WWTR1: variants seen among roughly 807,000 people sequenced by gnomAD.
WWTR1 encodes the protein WW domain containing transcription regulator 1, also known as WW domain-containing transcription regulator protein 1.
In WWTR1, 13 loss-of-function variants were observed where a neutral mutation model predicts 40.1. That is an observed-to-expected ratio of 0.32 (90% CI 0.21 to 0.52). The LOEUF (loss-of-function observed/expected upper bound fraction) is 0.52, where lower values mean the gene tolerates loss of function less well. Among genes scored for constraint, WWTR1 ranks in the 20% least tolerant of loss-of-function variants. WWTR1 has a pLI of 0.97. For missense variants in WWTR1, 436 were observed against 523.1 expected (o/e 0.83, Z 1.63); for synonymous variants, 230 against 210.1 (o/e 1.09, Z -0.82).
chr3:149,661,738 T>TTC (rs1553806605), upstream of WWTR1, among the ~76,000 whole-genome samples: 1 of 149,326 alleles, frequency 6.7e-6, no homozygotes, highest in East Asian at 2.0e-4. Context: ...ATAAAGTTTT[T>TTC]TTTTTTTTTT....
At chr3:149,658,124 C>A (rs1228974430), upstream of WWTR1, 1 of 153,780 alleles carries the variant, frequency 6.5e-6, no homozygotes, top group Non-Finnish European at 1.4e-5. Flanking sequence ...AGTCCCTAGC[C>A]GGCCAGCCCC....
intron 2 of WWTR1, among the ~76,000 whole-genome samples, chr3:149,615,818 T>C (rs1276493270): frequency 1.3e-5 from 2 of 152,226 alleles, no homozygotes; most frequent in Non-Finnish European, 2.9e-5. Flanking sequence ...CACAGAGGTG[T>C]CTGCTACATA....
In WWTR1 at chr3:149,518,684, C is replaced by T. The variant is rs1576530078; in HGVS notation, c.*2121G>A. ...GATGGAGGCAACAGCAGGCTACGCTCTTGTCTGCCTGTACGCTCAGCATCA... is the reference window on the plus strand; with the variant it reads ...GATGGAGGCAACAGCAGGCTACGCTTTTGTCTGCCTGTACGCTCAGCATCA... On this transcript the variant is annotated 3_prime_UTR_variant, in exon 7 of 7. Coordinates refer to ENST00000360632, the MANE Select transcript of WWTR1 (RefSeq NM_015472.6). 2.0e-5 allele frequency: 3 copies of T among 152,024 alleles called. No individual in the cohort carries two copies. In the South Asian group the frequency reaches 6.2e-4, roughly 32 times the overall value. 9.4% of individuals were successfully genotyped at this position (152,024 alleles called of 1,614,324 possible). A position where few individuals can be genotyped will look rare whatever the true frequency, so the allele number is the denominator to read the frequency against.
Position 149,592,223 on chromosome 3 carries a change from T to C in WWTR1, c.432-19223A>G, listed in dbSNP as rs562350094. Among the ~76,000 whole-genome samples the C allele has an allele frequency of 5.3e-5, 8 of 152,362 alleles. No homozygotes were observed. In the South Asian group the frequency reaches 1.7e-3, roughly 32 times the overall value. On this transcript the variant is annotated intron_variant, in intron 2 of 6. Coordinates refer to ENST00000360632, the MANE Select transcript of WWTR1 (RefSeq NM_015472.6). ...CATATGCATATAAAAGATTCTAGTT[T>C]TCAATTAGCTTAATCCCACATTTCT...
intron 3 of WWTR1, among the ~76,000 whole-genome samples, chr3:149,564,909 G>A (rs1048224109): frequency 3.3e-5 from 5 of 152,104 alleles, no homozygotes; most frequent in Admixed American, 6.5e-5. Flanking sequence ...GTGGCTAGGC[G>A]CAGTGGCTCA....
intron 2 of WWTR1, among the ~76,000 whole-genome samples, chr3:149,641,421 C>T (rs976224222): frequency 6.6e-6 from 1 of 152,202 alleles, no homozygotes; most frequent in Admixed American, 6.5e-5. Flanking sequence ...CTTTAATTAG[C>T]CACACCACTG....
At chr3:149,574,969 G>A (rs991660232) in intron 2 of WWTR1, among the ~76,000 whole-genome samples, 4 of 151,760 alleles carry the variant, frequency 2.6e-5, no homozygotes, top group Admixed American at 6.6e-5. Flanking sequence ...TGATGCACGC[G>A]TGTAACCCCA....
At chr3:149,568,556 A>AAAAAAAAAACAAAAAAAAAAAAAAAAC (rs1560064535) in intron 3 of WWTR1, among the ~76,000 whole-genome samples, 1 of 138,562 alleles carries the variant, frequency 7.2e-6, no homozygotes, top group Non-Finnish European at 1.5e-5. Flanking sequence ...AAAAAAAAAA[A>AAAAAAAAAACAAAAAAAAAAAAAAAAC]AAAACCATAT....
At chr3:149,680,577 C>CAAA (rs60718602) in intron 1 of WWTR1, among the ~76,000 whole-genome samples, 37 of 150,156 alleles carry the variant, frequency 2.5e-4, no homozygotes, top group East Asian at 3.9e-4. Context: ...AACAAACAAA[C>CAAA]AAAAAAACGT....
chr3:149,566,812 G>GAAA (rs1166961307), intron 3 of WWTR1, among the ~76,000 whole-genome samples: 1 of 109,100 alleles, frequency 9.2e-6, no homozygotes. Context: ...GCCCTGAAAA[G>GAAA]AAAAAAAAAA....
chr3:149,643,742 G>T lies in WWTR1; in HGVS notation c.431+13134C>A, dbSNP rs1370374009. On this transcript the variant is annotated intron_variant, in intron 2 of 6. Transcript: ENST00000360632. ...TCAGGCCCTGTTATGACCTATCCTGGGAAAGAAAGTGTCCTCGTGGAAAAG... is the reference window on the plus strand; with the variant it reads ...TCAGGCCCTGTTATGACCTATCCTGTGAAAGAAAGTGTCCTCGTGGAAAAG... Among the ~76,000 whole-genome samples the T allele has an allele frequency of 2.0e-5, 3 of 151,918 alleles. No homozygotes were observed. In the East Asian group the frequency reaches 5.8e-4, roughly 29 times the overall value.
At chr3:149,596,066 C>T (rs1028685762) in intron 2 of WWTR1, among the ~76,000 whole-genome samples, 1 of 151,854 alleles carries the variant, frequency 6.6e-6, no homozygotes, top group Non-Finnish European at 1.5e-5. Context: ...AAACAAAAAA[C>T]CAAGTTCTCC....
At chr3:149,696,123 A>T (rs2108218412) in intron 1 of WWTR1, among the ~76,000 whole-genome samples, 1 of 151,152 alleles carries the variant, frequency 6.6e-6, no homozygotes, top group Non-Finnish European at 1.5e-5. Flanking sequence ...AAAAAAAAAA[A>T]AAAAAAAAAA....
chr3:149,671,042 G>T (rs1174521401), intron 1 of WWTR1: 2 of 152,102 alleles, frequency 1.3e-5, no homozygotes, highest in African/African-American at 4.8e-5. Context: ...ATGATACTTT[G>T]CACTTGTATA....
At chr3:149,712,909 G>A (rs1559847928) in intron 5 of WWTR1, among the ~76,000 whole-genome samples, 1 of 152,266 alleles carries the variant, frequency 6.6e-6, no homozygotes, top group East Asian at 1.9e-4. Flanking sequence ...ATTCGCAAAA[G>A]TGGAAACTGA....
intron 2 of WWTR1, among the ~76,000 whole-genome samples, chr3:149,653,961 CAG>C (rs1032344365): frequency 1.3e-5 from 2 of 152,192 alleles, no homozygotes; most frequent in African/African-American, 4.8e-5. Context: ...CAACTCCCAA[CAG>C]AGTCAAGAAA....
At chr3:149,708,827 C>T (rs1408972850) in intron 5 of WWTR1, among the ~76,000 whole-genome samples, 1 of 151,722 alleles carries the variant, frequency 6.6e-6, no homozygotes, top group African/African-American at 2.4e-5. Flanking sequence ...GGAAATATAC[C>T]CAGAAGAAGG....
At chr3:149,722,944 T>C (rs1178993666) in intron 4 of WWTR1, among the ~76,000 whole-genome samples, 1 of 152,100 alleles carries the variant, frequency 6.6e-6, no homozygotes, top group African/African-American at 2.4e-5. Flanking sequence ...ACATCCTCCT[T>C]TAGTTCTTTT....
In WWTR1 at chr3:149,520,793, C is replaced by T. The variant is rs1170947308; in HGVS notation, c.*12G>A. On this transcript the variant is annotated 3_prime_UTR_variant, in exon 7 of 7. Transcript: ENST00000360632. ...TAAGGTCATGGCTACATCCAAGTTACAATGGTAGTGATTACAGCCAGGTTA... is the reference window on the plus strand; with the variant it reads ...TAAGGTCATGGCTACATCCAAGTTATAATGGTAGTGATTACAGCCAGGTTA... 6.4e-7 allele frequency: 1 copy of T among 1,560,320 alleles called. No individual in the cohort carries two copies. The highest frequency in any genetic ancestry group is 1.2e-5 in the South Asian group (1 of 81,208).
Sources: allele counts gnomAD v4.1 joint callset (sites outside exome capture counted in the v4.1 genomes callset), GRCh38; gene constraint gnomAD v4.1.1; transcripts MANE v1.5; gene names NCBI Gene and HGNC (gene_info 2026-07-23, HGNC 2026-07-21).